The following MRPS28 variants were observed in gnomAD, a reference collection of about 807,000 sequenced individuals.
MRPS28 encodes the protein mitochondrial ribosomal protein S28.
MRPS28 carries 7 observed loss-of-function variants against 10.8 expected under a neutral mutation model. The observed-to-expected ratio is 0.65, with a 90% confidence interval of 0.37 to 1.22. MRPS28 has a LOEUF of 1.22. MRPS28 is among the 50% of genes most tolerant of loss of function. The pLI is 0.02. For missense variants in MRPS28, 265 were observed against 232.9 expected, an observed-to-expected ratio of 1.14 and a Z score of -0.90; for synonymous variants, 121 against 93.3, an observed-to-expected ratio of 1.30 and a Z score of -1.71.
intron 1 of MRPS28, among the ~76,000 whole-genome samples, chr8:80,008,577 G>A (rs1391883412): frequency 6.6e-6 from 1 of 152,112 alleles, no homozygotes; most frequent in African/African-American, 2.4e-5. Flanking sequence ...AAATTTACAA[G>A]AAAAAATCAA....
In MRPS28 at chr8:79,983,955, T is replaced by C. The variant is rs569008860; in HGVS notation, c.395+19044A>G. 1.1e-3 allele frequency among the ~76,000 whole-genome samples: 163 copies of C among 152,004 alleles called. 1 individual carries two copies. The East Asian group carries it at 0.03, about 28-fold the overall frequency. On this transcript the variant is annotated intron_variant, in intron 2 of 2. Coordinates refer to ENST00000276585, the MANE Select transcript of MRPS28 (RefSeq NM_014018.3). ...AAAGATACTCCTCGAGAAGAGCAAC[T>C]CCAAGACACATAATTGTCAGATTCA...
intron 1 of MRPS28, among the ~76,000 whole-genome samples, chr8:80,007,187 T>C (rs1016392760): frequency 2.0e-5 from 3 of 152,106 alleles, no homozygotes; most frequent in African/African-American, 7.2e-5. Context: ...ATTATCTCAA[T>C]AGATGCAGAA....
intron 2 of MRPS28, among the ~76,000 whole-genome samples, chr8:79,997,029 A>C (rs916808436): frequency 9.2e-5 from 14 of 152,252 alleles, no homozygotes; most frequent in Non-Finnish European, 2.1e-4. Flanking sequence ...GTTGTGAAGA[A>C]TATATAAGAC....
At chr8:80,027,415 C>T (rs12156383) in intron 1 of MRPS28, among the ~76,000 whole-genome samples, 1 of 152,158 alleles carries the variant, frequency 6.6e-6, no homozygotes, top group African/African-American at 2.4e-5. Context: ...TGAACTGAGC[C>T]GAAGCTTTTA....
chr8:79,922,788 G>A (rs1477168480), intron 2 of MRPS28, among the ~76,000 whole-genome samples: 1 of 151,922 alleles, frequency 6.6e-6, no homozygotes, highest in African/African-American at 2.4e-5. Context: ...TGGAAGTACT[G>A]CTGGTTAAAA....
At chr8:79,961,354 G>A (rs1012721138) in intron 2 of MRPS28, among the ~76,000 whole-genome samples, 1 of 151,982 alleles carries the variant, frequency 6.6e-6, no homozygotes, top group Non-Finnish European at 1.5e-5. Flanking sequence ...TCTTTAACAA[G>A]AGACCTGCTA....
At chr8:79,991,953 T>G (rs1001300001) in intron 2 of MRPS28, among the ~76,000 whole-genome samples, 1 of 99,402 alleles carries the variant, frequency 1.0e-5, no homozygotes, top group Admixed American at 1.0e-4. Context: ...TCTCTCTCTC[T>G]CTCTCTCATC....
At chr8:80,015,304 C>G (rs1020548328) in intron 1 of MRPS28, among the ~76,000 whole-genome samples, 8 of 152,198 alleles carry the variant, frequency 5.3e-5, no homozygotes, top group African/African-American at 1.9e-4. Context: ...TTTTAATATA[C>G]ATTAAGCACA....
At chr8:79,969,550 A>C (rs887393082) in intron 2 of MRPS28, among the ~76,000 whole-genome samples, 2 of 152,096 alleles carry the variant, frequency 1.3e-5, no homozygotes, top group African/African-American at 4.8e-5. Context: ...CTTTTTATAA[A>C]TCCTGCCTTT....
intron 2 of MRPS28, among the ~76,000 whole-genome samples, chr8:79,940,371 C>T (rs190859792): frequency 1.4e-4 from 22 of 152,156 alleles, no homozygotes; most frequent in Non-Finnish European, 2.8e-4. Flanking sequence ...AATGCATTTG[C>T]GAGTGAAGTG....
chr8:79,996,564 A>C (rs1808506542), intron 2 of MRPS28, among the ~76,000 whole-genome samples: 1 of 152,336 alleles, frequency 6.6e-6, no homozygotes, highest in African/African-American at 2.4e-5. Flanking sequence ...CCCACTCACG[A>C]GGGCAGAATC....
chr8:79,941,155 T>C (rs1313147365), intron 2 of MRPS28, among the ~76,000 whole-genome samples: 2 of 152,042 alleles, frequency 1.3e-5, no homozygotes, highest in African/African-American at 4.8e-5. Flanking sequence ...AAATAAAAAT[T>C]AAAATTTTAA....
intron 2 of MRPS28, among the ~76,000 whole-genome samples, chr8:79,930,074 T>C (rs1233940687): frequency 2.6e-5 from 4 of 152,218 alleles, no homozygotes; most frequent in Non-Finnish European, 5.9e-5. Context: ...ACCACATCCA[T>C]AGGTGCTCTG....
chr8:79,983,820 G>A (rs1808058392), intron 2 of MRPS28, among the ~76,000 whole-genome samples: 1 of 152,176 alleles, frequency 6.6e-6, no homozygotes, highest in African/African-American at 2.4e-5. Flanking sequence ...AAAGTGACGG[G>A]GAGAATGGAA....
intron 2 of MRPS28, among the ~76,000 whole-genome samples, chr8:79,952,743 G>A (rs1807109388): frequency 6.6e-6 from 1 of 152,050 alleles, no homozygotes; most frequent in Non-Finnish European, 1.5e-5. Context: ...ATGCTGACTG[G>A]GCCTCTCTTG....
chr8:79,931,307 T>C (rs1356633526), intron 2 of MRPS28, among the ~76,000 whole-genome samples: 1 of 152,176 alleles, frequency 6.6e-6, no homozygotes, highest in African/African-American at 2.4e-5. Context: ...CCTAAATCAG[T>C]GGTTATGACA....
chr8:79,966,269 A>C (rs1807500118), intron 2 of MRPS28, among the ~76,000 whole-genome samples: 1 of 152,026 alleles, frequency 6.6e-6, no homozygotes, highest in Admixed American at 6.6e-5. Context: ...ATAAAGGGTC[A>C]ATATATAATA....
At chr8:79,981,042 T>C (rs1417091351) in intron 2 of MRPS28, among the ~76,000 whole-genome samples, 1 of 152,208 alleles carries the variant, frequency 6.6e-6, no homozygotes, top group Non-Finnish European at 1.5e-5. Flanking sequence ...TAAAAATTCA[T>C]GCTGGGTCGG....
rs1379238602 is a variant in MRPS28 at position 79,976,745 on chromosome 8, T to C, written c.395+26254A>G. ...AGAAAAGAAAAACAAAAAGAAAATGTTTCACTTGGTGATAATTGTTTTTTT... is the reference window on the plus strand; with the variant it reads ...AGAAAAGAAAAACAAAAAGAAAATGCTTCACTTGGTGATAATTGTTTTTTT... On this transcript the variant is annotated intron_variant, in intron 2 of 2. Coordinates refer to ENST00000276585, the MANE Select transcript of MRPS28 (RefSeq NM_014018.3). Among the ~76,000 whole-genome samples, 3 of 152,164 alleles carry C rather than the reference T, an allele frequency of 2.0e-5. No homozygotes were observed. In the East Asian group the frequency reaches 5.8e-4, roughly 29 times the overall value.
Sources: allele counts gnomAD v4.1 joint callset (sites outside exome capture counted in the v4.1 genomes callset), GRCh38; gene constraint gnomAD v4.1.1; transcripts MANE v1.5; gene names NCBI Gene and HGNC (gene_info 2026-07-23, HGNC 2026-07-21).